The following OPHN1 variants were observed in gnomAD, a reference collection of about 807,000 sequenced individuals.
OPHN1 encodes oligophrenin-1.
A neutral mutation model predicts 60.7 loss-of-function variants in OPHN1; 11 were observed. That is an observed-to-expected ratio of 0.18 (90% CI 0.11 to 0.30). The LOEUF (loss-of-function observed/expected upper bound fraction) is 0.30. Ranked by LOEUF, OPHN1 falls within the 10% of genes least tolerant of loss-of-function variation. The pLI, the probability that OPHN1 is intolerant of heterozygous loss-of-function variation, is 1.00. For synonymous variants in OPHN1, 226 were observed against 222.6 expected (o/e 1.02, Z -0.14); for missense variants, 449 against 611.0 (o/e 0.73, Z 2.80).
intron 15 of OPHN1, among the ~76,000 whole-genome samples, chrX:68,121,659 C>T (rs1052658687): frequency 2.9e-4 from 32 of 109,651 alleles, no homozygotes; most frequent in African/African-American, 9.9e-4. Context: ...GGCTCAGAGC[C>T]AGTGAATTTG....
At chrX:68,277,375 T>A (rs1022725279) in intron 4 of OPHN1, among the ~76,000 whole-genome samples, 1 of 112,590 alleles carries the variant, frequency 8.9e-6, no homozygotes, top group Non-Finnish European at 1.9e-5. Context: ...GTCAGGCTCC[T>A]AACAGGCCAC....
At chrX:68,214,898 G>A (rs2077601189) in intron 6 of OPHN1, among the ~76,000 whole-genome samples, 1 of 111,586 alleles carries the variant, frequency 9.0e-6, no homozygotes, top group South Asian at 3.8e-4. Context: ...TCCAGAAGCT[G>A]AGGCACGAGG....
intron 6 of OPHN1, among the ~76,000 whole-genome samples, chrX:68,222,043 A>G (rs1280668275): frequency 1.9e-5 from 2 of 108,066 alleles, no homozygotes; most frequent in Non-Finnish European, 3.8e-5. Context: ...ACAAAGGGCT[A>G]ATATCCAGAA....
chrX:68,389,295 C>T (rs775971799), intron 2 of OPHN1, among the ~76,000 whole-genome samples: 35 of 108,770 alleles, frequency 3.2e-4, no homozygotes, highest in Non-Finnish European at 6.3e-4. Flanking sequence ...GGGCCAGGCA[C>T]GGTGGCTCAT....
chrX:68,357,702 G>T (rs1053151075), intron 2 of OPHN1, among the ~76,000 whole-genome samples: 3 of 110,502 alleles, frequency 2.7e-5, no homozygotes, highest in African/African-American at 6.6e-5. Context: ...GAATAGTGCT[G>T]CAATAAACAT....
At chrX:68,328,214 C>T (rs1451108596) in intron 2 of OPHN1, among the ~76,000 whole-genome samples, 3 of 106,185 alleles carry the variant, frequency 2.8e-5, no homozygotes, top group Admixed American at 1.0e-4. Flanking sequence ...CTGCAAGCTC[C>T]GCCTCCCGGG....
intron 15 of OPHN1, among the ~76,000 whole-genome samples, chrX:68,149,545 G>C (rs965837196): frequency 1.8e-5 from 2 of 111,328 alleles, no homozygotes; most frequent in African/African-American, 6.5e-5. Flanking sequence ...CACATGAAGA[G>C]ATGCTTGACA....
chrX:68,288,764 C>CAAAAAG (rs1211982675), intron 3 of OPHN1, among the ~76,000 whole-genome samples: 3 of 108,698 alleles, frequency 2.8e-5, no homozygotes, highest in Non-Finnish European at 5.7e-5. Context: ...AACTTCATCT[C>CAAAAAG]AAAAAGAAAA....
chrX:68,251,336 C>T (rs2077834054), intron 5 of OPHN1, among the ~76,000 whole-genome samples: 1 of 107,987 alleles, frequency 9.3e-6, no homozygotes, highest in Non-Finnish European at 1.9e-5. Flanking sequence ...CAGGCACGCA[C>T]CACCACACCC....
intron 3 of OPHN1, among the ~76,000 whole-genome samples, chrX:68,283,529 G>T (rs2078028172): frequency 9.0e-6 from 1 of 111,455 alleles, no homozygotes; most frequent in Admixed American, 9.6e-5. Flanking sequence ...ATTGGATGGT[G>T]AATGTAGTGT....
chrX:68,221,545 T>A (rs1230747802), intron 6 of OPHN1, among the ~76,000 whole-genome samples: 1 of 92,312 alleles, frequency 1.1e-5, no homozygotes, highest in Non-Finnish European at 2.2e-5. Context: ...AAAGCTACAG[T>A]AACCAAAACA....
intron 15 of OPHN1, among the ~76,000 whole-genome samples, chrX:68,147,557 A>G (rs775039949): frequency 2.7e-5 from 3 of 111,930 alleles, no homozygotes; most frequent in Non-Finnish European, 5.6e-5. Flanking sequence ...TGAGTGACTT[A>G]GGGCAAATTA....
intron 3 of OPHN1, 104 bp downstream of exon 3, chrX:68,298,897 A>G: frequency 6.0e-6 from 3 of 496,782 alleles, no homozygotes; most frequent in South Asian, 4.8e-5. Flanking sequence ...ATTGGACCAC[A>G]GTGGATGAAG....
At position 68,096,853 on chromosome X, in the gene OPHN1, G is replaced by C. The variant is rs768137259; in HGVS notation, c.1686+17C>G. The C allele has an allele frequency of 4.1e-6, 5 of 1,205,869 alleles. No individual in the cohort carries two copies. The South Asian group carries it at 8.8e-5, about 21-fold the overall frequency. Reference sequence around the variant, plus strand: ...CACATGTTTGGAAGACAGGTAGTGAGAATAGAAAATGCATACCTTGCCAAA... The same window carrying C: ...CACATGTTTGGAAGACAGGTAGTGACAATAGAAAATGCATACCTTGCCAAA... On this transcript the variant is annotated intron_variant, in intron 19 of 24. Coordinates refer to ENST00000355520, the MANE Select transcript of OPHN1 (RefSeq NM_002547.3).
At chrX:68,111,084 T>C (rs2077101878) in intron 18 of OPHN1, among the ~76,000 whole-genome samples, 1 of 112,172 alleles carries the variant, frequency 8.9e-6, no homozygotes, top group Non-Finnish European at 1.9e-5. Flanking sequence ...GCTAAATATA[T>C]ACACTTAAAA....
chrX:68,247,943 A>T (rs905841571), intron 5 of OPHN1, among the ~76,000 whole-genome samples: 1 of 111,246 alleles, frequency 9.0e-6, no homozygotes, highest in Non-Finnish European at 1.9e-5. Flanking sequence ...AGATGTCGAA[A>T]TAGAAGGCTC....
At chrX:68,287,449 T>G (rs2078050034) in intron 3 of OPHN1, among the ~76,000 whole-genome samples, 1 of 101,154 alleles carries the variant, frequency 9.9e-6, no homozygotes, top group Admixed American at 1.1e-4. Context: ...TTGCTTGAGG[T>G]CAGGAGTTCT....
intron 2 of OPHN1, among the ~76,000 whole-genome samples, chrX:68,343,339 T>C: frequency 9.3e-6 from 1 of 107,700 alleles, no homozygotes; most frequent in Non-Finnish European, 1.9e-5. Context: ...TCCCAGCACT[T>C]TGGGAGGCTG....
intron 6 of OPHN1, among the ~76,000 whole-genome samples, chrX:68,229,926 A>G (rs1397814554): frequency 8.9e-6 from 1 of 112,066 alleles, no homozygotes; most frequent in Non-Finnish European, 1.9e-5. Context: ...ATCTAATTAA[A>G]CTAAAGAGCT....
Sources: gnomAD v4.1 joint callset for allele counts (sites outside exome capture counted in the v4.1 genomes callset) on GRCh38, gnomAD v4.1.1 for gene constraint, MANE v1.5 for transcripts, NCBI Gene and HGNC (gene_info 2026-07-23, HGNC 2026-07-21) for gene names.